Variants in IRS2 observed in about 807,000 individuals in gnomAD.
IRS2 encodes the protein insulin receptor substrate 2.
Under a neutral mutation model 70.9 loss-of-function variants are expected in IRS2, and 28 were observed. That is an observed-to-expected ratio of 0.39 (90% CI 0.29 to 0.54). The LOEUF (loss-of-function observed/expected upper bound fraction) is 0.54. IRS2 is among the 20% of genes least tolerant of loss of function. IRS2 has a pLI of 0.59. For missense variants in IRS2, 2,081 were observed against 2,024.1 expected, an observed-to-expected ratio of 1.03 and a Z score of -0.54; for synonymous variants, 1,217 against 981.9, an observed-to-expected ratio of 1.24 and a Z score of -4.48.
intron 1 of IRS2, among the ~76,000 whole-genome samples, chr13:109,764,937 G>T (rs1877303669): frequency 6.6e-6 from 1 of 152,218 alleles, no homozygotes; most frequent in African/African-American, 2.4e-5. Context: ...ATTTAAAGCT[G>T]CAAAGAGTGC....
At position 109,757,644 on chromosome 13, in the gene IRS2, G is replaced by A. The variant is rs777225177; in HGVS notation, c.4013-1336C>T. On this transcript the variant is annotated intron_variant, in intron 1 of 1. Coordinates refer to ENST00000375856, the MANE Select transcript of IRS2 (RefSeq NM_003749.3). ...TGGACATTTTAAAATTCCCTACAAC[G>A]CGACATTCTGAGGCTGTTTTATCTA... is the stretch of plus-strand genomic sequence containing the variant. 3.3e-5 allele frequency among the ~76,000 whole-genome samples: 5 copies of A among 152,050 alleles called. No individual in the cohort carries two copies. In the East Asian group the frequency reaches 7.7e-4, roughly 23 times the overall value.
rs1233574376 is a variant in IRS2, at chr13:109,785,865, G to C, written c.189C>G (p.Gly63=). ...PGAGGDEATA[G]GGSAPQPPRL... ...GCGGCGGTTGCGGCGCCGACCCCCCGCCCGCCGTCGCCTCGTCGCCGCCCG... is the reference window on the plus strand; with the variant it reads ...GCGGCGGTTGCGGCGCCGACCCCCCCCCCGCCGTCGCCTCGTCGCCGCCCG... Residue 63 remains glycine (G), a synonymous_variant, in exon 1 of 2, where the codon GGC becomes GGG. Coordinates refer to ENST00000375856, the MANE Select transcript of IRS2 (RefSeq NM_003749.3). This position sits in a 1 kb window ranked among gnomAD's most constrained non-coding sequence, Gnocchi z 9.3. 5 of 1,510,288 alleles carry C rather than the reference G, an allele frequency of 3.3e-6. No individual in the cohort carries two copies. The highest frequency in any genetic ancestry group is 4.4e-6 in the Non-Finnish European group (5 of 1,134,096). The allele number at this position is 1,510,288 out of a possible 1,614,324, so 93.6% of individuals were successfully genotyped here. A position where few individuals can be genotyped will look rare whatever the true frequency, so the allele number is the denominator to read the frequency against.
Position 109,783,843 on chromosome 13 carries a change from G to C in IRS2, c.2211C>G (p.Pro737=), listed in dbSNP as rs571706071. The C allele has an allele frequency of 3.8e-6, 6 of 1,574,148 alleles. No individual in the cohort carries two copies. The highest frequency in any genetic ancestry group is 3.5e-5 in the South Asian group (3 of 86,442). The change falls in exon 1 of 2, where the codon CCC becomes CCG. Residue 737 remains proline (P), a synonymous_variant. Transcript: ENST00000375856. The stretch of plus-strand genomic sequence containing the variant: ...ACATGCGCATGTACCCACTGTCCTC[G>C]GGGGAGCTCTCGGCGGGCGAGCTGG... The part of the protein sequence containing the change: ...YKASSPAESS[P]EDSGYMRMWC...
intron 1 of IRS2, among the ~76,000 whole-genome samples, chr13:109,765,901 C>T (rs1877327008): frequency 1.5e-5 from 1 of 66,568 alleles, no homozygotes. Flanking sequence ...CCCCACCAAG[C>T]ATGTAGATAT....
In IRS2 at chr13:109,784,429, T is replaced by C; in HGVS notation, c.1625A>G (p.Tyr542Cys). Residue 542 changes from tyrosine (Y) to cysteine (C), a missense_variant, in exon 1 of 2, where the codon TAC becomes TGC. Coordinates refer to ENST00000375856, the MANE Select transcript of IRS2 (RefSeq NM_003749.3). The surrounding 1 kb of genome is among the most constrained non-coding windows in gnomAD (Gnocchi z 5.2). ...GCTCAGGGGCCTGTCCATGGTCATG[T>C]ACCCGTAGAACTCACCGCCGCCGCC... ...DGGGGGEFYG[Y>C]MTMDRPLSHC... is the part of the protein sequence containing the mutation. The C allele has an allele frequency of 4.4e-6, 7 of 1,605,964 alleles. No individual in the cohort carries two copies. Among genetic ancestry groups the C allele is most frequent in the Non-Finnish European group, 6.0e-6 (7 of 1,176,144 alleles).
At position 109,784,941 on chromosome 13, in the gene IRS2, C is replaced by G; in HGVS notation, c.1113G>C (p.Ala371=). The G allele has an allele frequency of 9.0e-7, 1 of 1,113,484 alleles. No individual in the cohort carries two copies. The highest frequency in any genetic ancestry group is 4.3e-5 in the South Asian group (1 of 23,262). The allele number at this position is 1,113,484 out of a possible 1,614,324, so 69.0% of individuals were successfully genotyped here. A position where few individuals can be genotyped will look rare whatever the true frequency, so the allele number is the denominator to read the frequency against. The part of the protein sequence containing the change: ...VRTASEGDGG[A]AAGAAAAGAR... ...CGCCCGCGGCCGCCGCTCCCGCCGC[C>G]GCGCCGCCGTCGCCCTCGCTGGCGG... Residue 371 remains alanine, a synonymous_variant, in exon 1 of 2, where the codon GCG becomes GCC. Transcript: ENST00000375856. The surrounding 1 kb of genome is among the most constrained non-coding windows in gnomAD (Gnocchi z 5.2).
At chr13:109,779,874 G>A (rs1255803974) in intron 1 of IRS2, among the ~76,000 whole-genome samples, 2 of 152,172 alleles carry the variant, frequency 1.3e-5, no homozygotes, top group South Asian at 2.1e-4. Flanking sequence ...GGAATTTTAC[G>A]CAGGTGGGAA....
chr13:109,757,108 C>A (rs145852520), intron 1 of IRS2, among the ~76,000 whole-genome samples: 1 of 152,088 alleles, frequency 6.6e-6, no homozygotes, highest in Admixed American at 6.5e-5. Context: ...AATTCTTTAA[C>A]CTTTCTCAAT....
intron 1 of IRS2, among the ~76,000 whole-genome samples, chr13:109,774,931 C>G (rs939947559): frequency 6.6e-6 from 1 of 152,100 alleles, no homozygotes; most frequent in Admixed American, 6.6e-5. Flanking sequence ...TTGCATTCAA[C>G]TTCAATAAGA....
intron 1 of IRS2, among the ~76,000 whole-genome samples, chr13:109,761,295 T>C (rs749890571): frequency 6.6e-6 from 1 of 152,180 alleles, no homozygotes; most frequent in Non-Finnish European, 1.5e-5. Flanking sequence ...TTTTCAGCCA[T>C]AGCTGAATTA....
rs2138936393 is a variant in IRS2 at position 109,784,624 on chromosome 13, G to A, written c.1430C>T (p.Pro477Leu). ...GCTGCCGCTGGAGGGCCGCTGGCCG[G>A]GGCCGTGGTGCAGCGGATGCGGCAG... ...PPLPHPLHHG[P>L]GQRPSSGSAS... The change falls in exon 1 of 2, where the codon CCC (proline) becomes CTC (leucine). Residue 477 changes from proline (P) to leucine (L), a missense_variant. By Grantham distance (98) the Pro-to-Leu change is moderately conservative. This residue lies in a region of IRS2 where 1,615 missense variants were observed against 1,459.5 expected (regional missense o/e 1.11). Transcript: ENST00000375856. The surrounding 1 kb of genome is among the most constrained non-coding windows in gnomAD (Gnocchi z 5.2). The A allele has an allele frequency of 3.8e-6, 5 of 1,332,382 alleles. No homozygotes were observed. Among genetic ancestry groups the A allele is most frequent in the South Asian group, 2.0e-5 (1 of 49,714 alleles). 82.5% of individuals were successfully genotyped at this position (1,332,382 alleles called of 1,614,324 possible).
At chr13:109,772,909 A>ATGGTCT (rs1877488740) in intron 1 of IRS2, among the ~76,000 whole-genome samples, 2 of 151,718 alleles carry the variant, frequency 1.3e-5, no homozygotes, top group African/African-American at 4.8e-5. Context: ...GTTAGCCAGG[A>ATGGTCT]TGGTCTCGAT....
At chr13:109,762,242 G>A (rs890494572) in intron 1 of IRS2, among the ~76,000 whole-genome samples, 5 of 152,218 alleles carry the variant, frequency 3.3e-5, no homozygotes, top group Admixed American at 2.0e-4. Context: ...TGCAGCAGCC[G>A]CCAATGCCAT....
intron 1 of IRS2, among the ~76,000 whole-genome samples, chr13:109,775,497 C>A (rs1157077782): frequency 1.3e-5 from 2 of 152,050 alleles, no homozygotes; most frequent in African/African-American, 2.4e-5. Context: ...TGTAAAGTAA[C>A]AAAATCACAT....
At position 109,784,867 on chromosome 13, in the gene IRS2, C is replaced by T; in HGVS notation, c.1187G>A (p.Arg396His). Residue 396 changes from arginine to histidine, a missense_variant, in exon 1 of 2, where the codon CGC (arginine) becomes CAC (histidine). By Grantham distance (29) the Arg-to-His change is conservative. Transcript: ENST00000375856. The surrounding 1 kb of genome is among the most constrained non-coding windows in gnomAD (Gnocchi z 5.2). ...AGSPLSPGPV[R>H]APLSRSHTLS... ...GGTGTGCGAGCGGCTCAGGGGCGCG[C>T]GCACCGGCCCGGGGCTCAGGGGGCT... 8.8e-7 allele frequency: 1 copy of T among 1,132,214 alleles called. No homozygotes were observed. Among genetic ancestry groups the T allele is most frequent in the Non-Finnish European group, 1.1e-6 (1 of 919,998 alleles). The allele number at this position is 1,132,214 out of a possible 1,614,324, so 70.1% of individuals were successfully genotyped here. A position where few individuals can be genotyped will look rare whatever the true frequency, so the allele number is the denominator to read the frequency against.
rs1273138872 is a variant in IRS2, at chr13:109,782,444, G to A, written c.3610C>T (p.Pro1204Ser). Reference sequence around the variant, plus strand: ...GGGGGCGCCGGCTGCAACTGTCGTGGGGAGGTGGGCGGCTCGTCGCCCCCT... The same window carrying A: ...GGGGGCGCCGGCTGCAACTGTCGTGAGGAGGTGGGCGGCTCGTCGCCCCCT... ...PGGGDEPPTS[P>S]RQLQPAPPLA... Residue 1204 changes from proline to serine, a missense_variant, in exon 1 of 2, where the codon CCA becomes TCA. Transcript: ENST00000375856. 5 of 1,583,144 alleles carry A rather than the reference G, an allele frequency of 3.2e-6. No homozygotes were observed. The Admixed American group carries it at 5.3e-5, about 17-fold the overall frequency.
At chr13:109,776,612 C>T (rs1194599453) in intron 1 of IRS2, among the ~76,000 whole-genome samples, 2 of 152,208 alleles carry the variant, frequency 1.3e-5, no homozygotes, top group Non-Finnish European at 2.9e-5. Context: ...TGTTGGTATA[C>T]AACATATACT....
chr13:109,775,445 A>C (rs1444207730), intron 1 of IRS2, among the ~76,000 whole-genome samples: 1 of 152,172 alleles, frequency 6.6e-6, no homozygotes, highest in Non-Finnish European at 1.5e-5. Context: ...TAACATAAAC[A>C]TAAGGATTTT....
At position 109,786,079 on chromosome 13, in the gene IRS2, CG is replaced by C. The variant is rs1397950109; in HGVS notation, c.-27del. On this transcript the variant is annotated 5_prime_UTR_variant, in exon 1 of 2. Coordinates refer to ENST00000375856, the MANE Select transcript of IRS2 (RefSeq NM_003749.3). The surrounding 1 kb of genome is among the most constrained non-coding windows in gnomAD (Gnocchi z 4.4). Reference sequence around the variant, plus strand: ...CGCGGGCGCTTCAGGCCGCGCGGCCCGGGCCCGGCGCCCAGGGGTTGGGGCG... The same window carrying C: ...CGCGGGCGCTTCAGGCCGCGCGGCCCGGCCCGGCGCCCAGGGGTTGGGGCG... 5 of 1,049,676 alleles carry C rather than the reference CG, an allele frequency of 4.8e-6. No homozygotes were observed. The African/African-American group carries it at 8.6e-5, about 18-fold the overall frequency. 65.0% of individuals were successfully genotyped at this position (1,049,676 alleles called of 1,614,324 possible).
Sources: allele counts gnomAD v4.1 joint callset (sites outside exome capture counted in the v4.1 genomes callset), GRCh38; gene constraint gnomAD v4.1.1; regional missense constraint gnomAD v4.1.1; non-coding constraint Gnocchi (gnomAD v3.1); transcripts MANE v1.5; gene names NCBI Gene and HGNC (gene_info 2026-07-23, HGNC 2026-07-21).